PLEKHH2: variants seen among roughly 807,000 people sequenced by gnomAD.
PLEKHH2 encodes pleckstrin homology, MyTH4 and FERM domain containing H2.
Under a neutral mutation model 187.9 loss-of-function variants are expected in PLEKHH2, and 129 were observed. That is an observed-to-expected ratio of 0.69 (90% CI 0.59 to 0.79). The LOEUF (loss-of-function observed/expected upper bound fraction) is 0.79, where lower values mean the gene tolerates loss of function less well. Ranked by LOEUF, PLEKHH2 falls within the 30% of genes least tolerant of loss-of-function variation. The pLI, the probability that PLEKHH2 is intolerant of heterozygous loss-of-function variation, is 0.00. For synonymous variants in PLEKHH2, 686 were observed against 605.6 expected, an observed-to-expected ratio of 1.13 and a Z score of -1.95; for missense variants, 2,076 against 1,751.2, an observed-to-expected ratio of 1.19 and a Z score of -3.31.
chr2:43,752,289 C>G (rs1672040579), intron 24 of PLEKHH2, among the ~76,000 whole-genome samples: 1 of 152,120 alleles, frequency 6.6e-6, no homozygotes, highest in African/African-American at 2.4e-5. Context: ...TATTCTACTA[C>G]CAGTTTAACA....
At chr2:43,723,556 C>T (rs1030711196) in intron 16 of PLEKHH2, among the ~76,000 whole-genome samples, 1 of 152,192 alleles carries the variant, frequency 6.6e-6, no homozygotes, top group Non-Finnish European at 1.5e-5. Context: ...TGACAAGAAT[C>T]TTACTTTCCT....
At chr2:43,733,894 G>C (rs1671168836) in intron 19 of PLEKHH2, among the ~76,000 whole-genome samples, 1 of 152,092 alleles carries the variant, frequency 6.6e-6, no homozygotes, top group Non-Finnish European at 1.5e-5. Flanking sequence ...AAGCAAGAAA[G>C]ACTATACAAG....
intron 23 of PLEKHH2, among the ~76,000 whole-genome samples, chr2:43,745,474 T>C (rs1572653710): frequency 6.6e-6 from 1 of 152,278 alleles, no homozygotes; most frequent in Non-Finnish European, 1.5e-5. Flanking sequence ...TTCCATAAAT[T>C]ATATGTCAAA....
intron 3 of PLEKHH2, among the ~76,000 whole-genome samples, chr2:43,687,785 T>G (rs1668591197): frequency 6.6e-6 from 1 of 152,174 alleles, no homozygotes; most frequent in African/African-American, 2.4e-5. Flanking sequence ...CTGTATATCT[T>G]CTTTTGTTTT....
In PLEKHH2 at chr2:43,696,139, TA is replaced by T. The variant is rs541277951; in HGVS notation, c.502+923del. On this transcript the variant is annotated intron_variant, in intron 6 of 29. Coordinates refer to ENST00000282406, the MANE Select transcript of PLEKHH2 (RefSeq NM_172069.4). The stretch of plus-strand genomic sequence containing the variant: ...ATATCAGTGGTGAGATTGGTCTATT[TA>T]AAAAAAACATATATCTCCAAAATTA... Among the ~76,000 whole-genome samples the T allele has an allele frequency of 3.3e-3, 494 of 151,938 alleles. 6 individuals are homozygous for T. The highest frequency in any genetic ancestry group is 0.011 in the African/African-American group (447 of 41,448).
chr2:43,706,999 C>T (rs1325405083), intron 10 of PLEKHH2, among the ~76,000 whole-genome samples: 1 of 152,046 alleles, frequency 6.6e-6, no homozygotes, highest in East Asian at 1.9e-4. Flanking sequence ...AGTTCGAGAC[C>T]AGCCTGGCCA....
rs1302861783 is a variant in PLEKHH2, at chr2:43,644,723, G to A, written c.50G>A (p.Cys17Tyr). Residue 17 changes from cysteine to tyrosine, a missense_variant, in exon 2 of 30, where the codon TGT becomes TAT. Coordinates refer to ENST00000282406, the MANE Select transcript of PLEKHH2 (RefSeq NM_172069.4). ...GGACCAGTAGATTGGAAGGAACGAT[G>A]TGTAGCTCTGGAGTCCCAACTCATG... is the stretch of plus-strand genomic sequence containing the variant. ...PEGPVDWKER[C>Y]VALESQLMKF... 4 of 1,608,978 alleles carry A rather than the reference G, an allele frequency of 2.5e-6. No individual in the cohort carries two copies. The highest frequency in any genetic ancestry group is 1.3e-5 in the African/African-American group (1 of 74,796).
chr2:43,711,473 A>T (rs1410694513), intron 14 of PLEKHH2: 2 of 958,948 alleles, frequency 2.1e-6, no homozygotes, highest in African/African-American at 3.6e-5. Context: ...TTATCTTCTT[A>T]TATGCAAGAT....
At chr2:43,678,787 A>T in intron 2 of PLEKHH2, 76 bp from the exon 3 acceptor site, 2 of 981,138 alleles carry the variant, frequency 2.0e-6, no homozygotes, top group Non-Finnish European at 3.1e-6. Context: ...GAATTATGAG[A>T]TTTTTAAAGC....
At chr2:43,665,810 T>A (rs1667171455) in intron 2 of PLEKHH2, among the ~76,000 whole-genome samples, 1 of 135,838 alleles carries the variant, frequency 7.4e-6, no homozygotes, top group Non-Finnish European at 1.6e-5. Context: ...AGGGACCCAC[T>A]TGAGGAGGCA....
chr2:43,730,817 G>A (rs1314412016), intron 18 of PLEKHH2, among the ~76,000 whole-genome samples: 1 of 152,166 alleles, frequency 6.6e-6, no homozygotes, highest in Non-Finnish European at 1.5e-5. Flanking sequence ...TTTAATAAAT[G>A]TTGATTTTAG....
chr2:43,666,037 G>A lies in PLEKHH2; in HGVS notation c.124-12826G>A, dbSNP rs1390689302. 8.6e-4 allele frequency among the ~76,000 whole-genome samples: 128 copies of A among 148,578 alleles called. 11 individuals carry two copies. Among genetic ancestry groups the A allele is most frequent in the African/African-American group, 3.2e-3 (124 of 38,890 alleles). On this transcript the variant is annotated intron_variant, in intron 2 of 29. Coordinates refer to ENST00000282406, the MANE Select transcript of PLEKHH2 (RefSeq NM_172069.4). ...CTTCCCGGCTGCTTTGTTTACCTAA[G>A]CAAGCCTGGGCAATGGCGGGCTCCC...
Position 43,699,903 on chromosome 2 carries a change from C to G in PLEKHH2, c.945C>G (p.Val315=). 6.2e-7 allele frequency: 1 copy of G among 1,614,052 alleles called. No individual in the cohort carries two copies. Among genetic ancestry groups the G allele is most frequent in the Non-Finnish European group, 8.5e-7 (1 of 1,180,000 alleles). The change falls in exon 8 of 30, where the codon GTC becomes GTG. Residue 315 remains valine (V), a synonymous_variant. Coordinates refer to ENST00000282406, the MANE Select transcript of PLEKHH2 (RefSeq NM_172069.4). The part of the protein sequence containing the change: ...TLSSHTSEEG[V]QCSRMGSEMY... ...CCAGTCACACATCTGAGGAAGGGGT[C>G]CAGTGTAGCAGGATGGGAAGTGAAA... is the stretch of plus-strand genomic sequence containing the variant.
intron 2 of PLEKHH2, among the ~76,000 whole-genome samples, chr2:43,677,805 C>G (rs747982296): frequency 6.7e-6 from 1 of 148,472 alleles, no homozygotes; most frequent in African/African-American, 2.5e-5. Flanking sequence ...CCTCCCGCAC[C>G]GGGCAGCTGG....
intron 16 of PLEKHH2, among the ~76,000 whole-genome samples, 196 bp from the exon 17 acceptor site, chr2:43,726,076 C>T (rs111493000): frequency 2.6e-4 from 38 of 147,992 alleles, no homozygotes; most frequent in South Asian, 6.4e-4. Context: ...TTACTGATTG[C>T]GCCACTGCAC....
At chr2:43,692,310 G>A (rs1668838713) in intron 3 of PLEKHH2, 1 of 402,694 alleles carries the variant, frequency 2.5e-6, no homozygotes. Context: ...AATTTCTTAT[G>A]TTTGTATGTA....
intron 6 of PLEKHH2, 129 bp from the exon 7 acceptor site, chr2:43,697,042 T>A (rs1669128509): frequency 1.5e-6 from 1 of 653,408 alleles, no homozygotes; most frequent in Non-Finnish European, 2.5e-6. Context: ...TGTACATCAA[T>A]AAAGATGAAC....
chr2:43,763,664 A>G (rs1672515519), intron 28 of PLEKHH2, among the ~76,000 whole-genome samples: 1 of 149,904 alleles, frequency 6.7e-6, no homozygotes, highest in African/African-American at 2.5e-5. Flanking sequence ...CTCCCACCTC[A>G]GCCTCAGGCG....
At chr2:43,746,076 G>T in intron 24 of PLEKHH2, 113 bp downstream of exon 24, 2 of 599,168 alleles carry the variant, frequency 3.3e-6, no homozygotes, top group East Asian at 3.3e-5. Flanking sequence ...TTGTAAGTTT[G>T]TCTTTCTATA....
Sources: allele counts gnomAD v4.1 joint callset (sites outside exome capture counted in the v4.1 genomes callset), GRCh38; gene constraint gnomAD v4.1.1; transcripts MANE v1.5; gene names NCBI Gene and HGNC (gene_info 2026-07-23, HGNC 2026-07-21).